SAR1A: variants seen among roughly 807,000 people sequenced by gnomAD.
SAR1A encodes the protein secretion associated Ras related GTPase 1A.
A neutral mutation model predicts 22.6 loss-of-function variants in SAR1A; 6 were observed. The observed-to-expected ratio is 0.27, with a 90% CI of 0.15 to 0.52. The LOEUF is 0.52. Among genes scored for constraint, SAR1A ranks in the 20% least tolerant of loss-of-function variants. The pLI is 0.96. For synonymous variants in SAR1A, 70 were observed against 82.2 expected, an observed-to-expected ratio of 0.85 and a Z score of 0.80; for missense variants, 145 against 245.1, an observed-to-expected ratio of 0.59 and a Z score of 2.73.
Position 70,151,378 on chromosome 10 carries a change from C to G in SAR1A, c.*1098G>C, listed in dbSNP as rs552926044. On this transcript the variant is annotated 3_prime_UTR_variant, in exon 7 of 7. Coordinates refer to ENST00000373241, the MANE Select transcript of SAR1A (RefSeq NM_020150.5). The stretch of plus-strand genomic sequence containing the variant: ...TGTAAAAAAAAGAGCTCCCAAACAG[C>G]CTGAGAGACCAAATTCTGCAAATGG... 7.9e-5 allele frequency: 12 copies of G among 151,638 alleles called. No homozygotes were observed. Among genetic ancestry groups the G allele is most frequent in the African/African-American group, 2.2e-4 (9 of 41,342 alleles). 9.4% of individuals were successfully genotyped at this position (151,638 alleles called of 1,614,324 possible). A position where few individuals can be genotyped will look rare whatever the true frequency, so the allele number is the denominator to read the frequency against.
intron 4 of SAR1A, among the ~76,000 whole-genome samples, chr10:70,158,166 T>A (rs140692374): frequency 6.6e-6 from 1 of 152,364 alleles, no homozygotes; most frequent in East Asian, 1.9e-4. Context: ...AACTAAGCAG[T>A]GGCTGCCCCT....
At position 70,147,949 on chromosome 10, in the gene SAR1A, G is replaced by C. The variant is rs768769665; in HGVS notation, c.*4527C>G. The C allele has an allele frequency of 6.6e-6, 1 of 152,188 alleles. No individual in the cohort carries two copies. Among genetic ancestry groups the C allele is most frequent in the Non-Finnish European group, 1.5e-5 (1 of 68,046 alleles). 9.4% of individuals were successfully genotyped at this position (152,188 alleles called of 1,614,324 possible). On this transcript the variant is annotated 3_prime_UTR_variant, in exon 7 of 7. Coordinates refer to ENST00000373241, the MANE Select transcript of SAR1A (RefSeq NM_020150.5). Reference sequence around the variant, plus strand: ...GCTGGAGTGCAATGGTGCGATCTCCGCTCACTGCAAACTCCGCCTCCTGGG... The same window carrying C: ...GCTGGAGTGCAATGGTGCGATCTCCCCTCACTGCAAACTCCGCCTCCTGGG...
At chr10:70,159,050 T>C (rs1839431525) in intron 4 of SAR1A, among the ~76,000 whole-genome samples, 1 of 152,180 alleles carries the variant, frequency 6.6e-6, no homozygotes, top group African/African-American at 2.4e-5. Context: ...TGAATTTAAA[T>C]TTGTAAGCAG....
At chr10:70,160,537 A>G (rs1839456085) in intron 4 of SAR1A, among the ~76,000 whole-genome samples, 1 of 152,240 alleles carries the variant, frequency 6.6e-6, no homozygotes, top group Non-Finnish European at 1.5e-5. Flanking sequence ...GGGCAAGCCT[A>G]GTTAAAATGA....
At chr10:70,167,813 G>C (rs1839572983) in intron 1 of SAR1A, among the ~76,000 whole-genome samples, 1 of 152,112 alleles carries the variant, frequency 6.6e-6, no homozygotes, top group African/African-American at 2.4e-5. Flanking sequence ...TAAATGAGGT[G>C]ATTTCTTTTT....
chr10:70,158,697 ATACTGATTTTGT>A (rs1388133376), intron 4 of SAR1A, among the ~76,000 whole-genome samples: 5 of 145,456 alleles, frequency 3.4e-5, no homozygotes, highest in Non-Finnish European at 5.9e-5. Flanking sequence ...CCGTAGTTCT[ATACTGATTTTGT>A]TACATCGAAC....
intron 6 of SAR1A, among the ~76,000 whole-genome samples, chr10:70,153,289 T>G (rs1413115496): frequency 6.6e-6 from 1 of 152,240 alleles, no homozygotes; most frequent in East Asian, 1.9e-4. Flanking sequence ...TTGAAGACAG[T>G]AAAAACTATT....
intron 4 of SAR1A, among the ~76,000 whole-genome samples, 174 bp from the exon 5 acceptor site, chr10:70,158,041 C>A (rs1839417144): frequency 1.3e-5 from 2 of 152,180 alleles, no homozygotes; most frequent in Admixed American, 1.3e-4. Flanking sequence ...AACTGATGGT[C>A]CATGAGCTGA....
intron 1 of SAR1A, 135 bp from the exon 2 acceptor site, chr10:70,162,066 A>C: frequency 3.1e-6 from 2 of 653,162 alleles, no homozygotes; most frequent in Non-Finnish European, 5.2e-6. Context: ...CAGGCCAGGC[A>C]TGGTGGCTCA....
intron 1 of SAR1A, among the ~76,000 whole-genome samples, chr10:70,168,650 G>A (rs1839584238): frequency 6.6e-6 from 1 of 152,140 alleles, no homozygotes; most frequent in Non-Finnish European, 1.5e-5. Flanking sequence ...TTACAAGTCT[G>A]TAAAGTATTG....
At position 70,157,807 on chromosome 10, in the gene SAR1A, C is replaced by G. The variant is rs201649411; in HGVS notation, c.305G>C (p.Cys102Ser). 6.2e-7 allele frequency: 1 copy of G among 1,613,886 alleles called. No individual in the cohort carries two copies. The highest frequency in any genetic ancestry group is 1.3e-5 in the African/African-American group (1 of 74,920). Residue 102 changes from cysteine to serine, a missense_variant, in exon 5 of 7, where the codon TGT (cysteine) becomes TCT (serine). Physicochemically the swap from Cys to Ser is moderately radical, Grantham distance 112. This residue lies in a region of SAR1A where 40 missense variants were observed against 105.7 expected (regional missense o/e 0.38). Transcript: ENST00000373241. ...TTCCACGAGGCGAGAATGATCTGCA[C>G]AGTCCACCAGAAAGACAATCCCATT... ...AINGIVFLVD[C>S]ADHSRLVESK...
At chr10:70,165,264 CAAAAAAAA>C (rs34191043) in intron 1 of SAR1A, among the ~76,000 whole-genome samples, 1 of 92,918 alleles carries the variant, frequency 1.1e-5, no homozygotes, top group Admixed American at 1.2e-4. Context: ...GACTCCGTCT[CAAAAAAAA>C]AAAAAAAAAA....
intron 1 of SAR1A, chr10:70,164,183 T>C (rs1295337001): frequency 2.5e-5 from 16 of 635,306 alleles, no homozygotes; most frequent in Non-Finnish European, 4.3e-5. Context: ...TATTTGCCTT[T>C]TGTTTGTAAC....
intron 1 of SAR1A, among the ~76,000 whole-genome samples, chr10:70,165,264 CAAAAAAAAAA>C (rs34191043): frequency 5.4e-5 from 5 of 92,918 alleles, no homozygotes; most frequent in East Asian, 3.1e-4. Context: ...GACTCCGTCT[CAAAAAAAAAA>C]AAAAAAAAAA....
chr10:70,165,972 G>A (rs533224601), intron 1 of SAR1A, among the ~76,000 whole-genome samples: 3 of 152,330 alleles, frequency 2.0e-5, no homozygotes, highest in East Asian at 1.9e-4. Context: ...AGCTATCAAC[G>A]TGGAGTAACA....
chr10:70,162,127 C>T (rs952455727), intron 1 of SAR1A, among the ~76,000 whole-genome samples, 196 bp from the exon 2 acceptor site: 1 of 151,970 alleles, frequency 6.6e-6, no homozygotes, highest in Non-Finnish European at 1.5e-5. Context: ...ATCACTTGAG[C>T]CCAGGAGTTC....
intron 1 of SAR1A, among the ~76,000 whole-genome samples, chr10:70,163,473 T>C (rs1839503100): frequency 6.6e-6 from 1 of 152,214 alleles, no homozygotes; most frequent in Admixed American, 6.5e-5. Context: ...TAATGCAAGG[T>C]GACTTTACGT....
intron 4 of SAR1A, among the ~76,000 whole-genome samples, chr10:70,160,153 G>A (rs1037517073): frequency 6.6e-6 from 1 of 151,274 alleles, no homozygotes; most frequent in Non-Finnish European, 1.5e-5. Flanking sequence ...CGTATACCTG[G>A]TCAAGATGAA....
At chr10:70,158,933 T>C (rs1839430574) in intron 4 of SAR1A, among the ~76,000 whole-genome samples, 1 of 152,160 alleles carries the variant, frequency 6.6e-6, no homozygotes, top group African/African-American at 2.4e-5. Context: ...GAAACCTAAA[T>C]TTATCACACC....
Sources: allele counts gnomAD v4.1 joint callset (sites outside exome capture counted in the v4.1 genomes callset), GRCh38; gene constraint gnomAD v4.1.1; regional missense constraint gnomAD v4.1.1; transcripts MANE v1.5; gene names NCBI Gene and HGNC (gene_info 2026-07-23, HGNC 2026-07-21).